Variants in UQCRH observed in about 807,000 individuals in gnomAD.
UQCRH encodes cytochrome b-c1 complex subunit 6, mitochondrial.
In UQCRH, 14 loss-of-function variants were observed where a neutral mutation model predicts 16.3. That is an observed-to-expected ratio of 0.86 (90% CI 0.57 to 1.34). UQCRH has a LOEUF of 1.34. Ranked by LOEUF, UQCRH falls within the 40% of genes most tolerant of loss-of-function variation. UQCRH has a pLI of 0.00. For missense variants in UQCRH, 89 were observed against 111.9 expected (o/e 0.80, Z 0.92); for synonymous variants, 41 against 41.9 (o/e 0.98, Z 0.08).
chr1:46,310,894 C>T (rs543247211), intron 3 of UQCRH, among the ~76,000 whole-genome samples: 12 of 151,694 alleles, frequency 7.9e-5, no homozygotes, highest in African/African-American at 2.9e-4. Context: ...GGTGAAACCC[C>T]GTCTCTACTA....
Position 46,303,737 on chromosome 1 carries a change from C to A in UQCRH, c.-30C>A. The A allele has an allele frequency of 6.2e-7, 1 of 1,614,080 alleles. No homozygotes were observed. Among genetic ancestry groups the A allele is most frequent in the Non-Finnish European group, 8.5e-7 (1 of 1,179,970 alleles). On this transcript the variant is annotated 5_prime_UTR_variant, in exon 1 of 4. Transcript: ENST00000311672. ...ACTGGGTTAGGTGCCGCTGTTGCTG[C>A]TCGTGTTGAATCTAGAACCGTAGCC...
chr1:46,306,930 G>A (rs1661387240), intron 1 of UQCRH, among the ~76,000 whole-genome samples: 1 of 152,166 alleles, frequency 6.6e-6, no homozygotes, highest in Non-Finnish European at 1.5e-5. Flanking sequence ...TTGTCACCCA[G>A]ACTGGGGTGC....
intron 3 of UQCRH, among the ~76,000 whole-genome samples, chr1:46,312,900 CTT>C (rs895944548): frequency 1.3e-5 from 2 of 151,996 alleles, no homozygotes; most frequent in African/African-American, 2.4e-5. Context: ...TGAGATAACA[CTT>C]TATACCAACT....
At chr1:46,307,010 T>C (rs1053047912) in intron 1 of UQCRH, among the ~76,000 whole-genome samples, 3 of 152,180 alleles carry the variant, frequency 2.0e-5, no homozygotes, top group Admixed American at 6.5e-5. Context: ...CTCGGCCTTC[T>C]GAGTAGCCAT....
At chr1:46,315,489 G>C (rs1661566944) in intron 3 of UQCRH, among the ~76,000 whole-genome samples, 1 of 151,182 alleles carries the variant, frequency 6.6e-6, no homozygotes, top group African/African-American at 2.4e-5. Flanking sequence ...AGCTACTCAG[G>C]AGTCTGAGGC....
At chr1:46,312,011 C>T (rs7542864) in intron 3 of UQCRH, among the ~76,000 whole-genome samples, 6,667 of 151,626 alleles carry the variant, frequency 0.044, 275 homozygotes, top group African/African-American at 0.096. Flanking sequence ...CACACTACAG[C>T]CTCTACCTCC....
intron 2 of UQCRH, 199 bp downstream of exon 2, chr1:46,309,326 T>A (rs756122929): frequency 1.8e-6 from 1 of 567,556 alleles, no homozygotes; most frequent in Admixed American, 3.7e-5. Context: ...TGGGGCTTCT[T>A]CAGTTGTGGT....
rs1393255487 is a variant in UQCRH at position 46,303,759 on chromosome 1, A to G, written c.-8A>G. Reference sequence around the variant, plus strand: ...CTGCTCGTGTTGAATCTAGAACCGTAGCCAGACATGGGACTGGAGGACGAG... The same window carrying G: ...CTGCTCGTGTTGAATCTAGAACCGTGGCCAGACATGGGACTGGAGGACGAG... On this transcript the variant is annotated 5_prime_UTR_variant, in exon 1 of 4. Coordinates refer to ENST00000311672, the MANE Select transcript of UQCRH (RefSeq NM_006004.4). 1.2e-6 allele frequency: 2 copies of G among 1,614,166 alleles called. No homozygotes were observed. Among genetic ancestry groups the G allele is most frequent in the Admixed American group, 3.3e-5 (2 of 60,020 alleles).
At position 46,310,062 on chromosome 1, in the gene UQCRH, C is replaced by T. The variant is rs536974252; in HGVS notation, c.82-93C>T. 10 of 1,577,180 alleles carry T rather than the reference C, an allele frequency of 6.3e-6. No individual in the cohort carries two copies. In the African/African-American group the frequency reaches 1.1e-4, roughly 17 times the overall value. On this transcript the variant is annotated intron_variant, in intron 2 of 3. Coordinates refer to ENST00000311672, the MANE Select transcript of UQCRH (RefSeq NM_006004.4). ...TCTGCACGGTAATTCAGAGGCAGCA[C>T]CTTGGTTTGGTGGTTGTGTTAATCA...
At chr1:46,306,047 C>T (rs1661367230) in intron 1 of UQCRH, among the ~76,000 whole-genome samples, 1 of 152,150 alleles carries the variant, frequency 6.6e-6, no homozygotes, top group Non-Finnish European at 1.5e-5. Context: ...CCTCCTCGGC[C>T]TCCCAAAGTG....
At chr1:46,316,512 A>C (rs770673367) in intron 3 of UQCRH, 40 bp from the exon 4 acceptor site, 2 of 1,613,478 alleles carry the variant, frequency 1.2e-6, no homozygotes, top group African/African-American at 2.7e-5. Flanking sequence ...ATGACATTAA[A>C]GCTGCCAATT....
At chr1:46,312,259 C>G (rs1303586660) in intron 3 of UQCRH, among the ~76,000 whole-genome samples, 1 of 151,754 alleles carries the variant, frequency 6.6e-6, no homozygotes, top group Non-Finnish European at 1.5e-5. Flanking sequence ...CCACACCCAG[C>G]TAATTTTTTG....
chr1:46,310,983 C>T (rs1282283340), intron 3 of UQCRH, among the ~76,000 whole-genome samples: 2 of 150,816 alleles, frequency 1.3e-5, no homozygotes, highest in Non-Finnish European at 2.9e-5. Context: ...AGGAGAATGG[C>T]GTGAACCCGG....
chr1:46,310,368 C>G, intron 3 of UQCRH, 52 bp downstream of exon 3: 1 of 1,608,834 alleles, frequency 6.2e-7, no homozygotes, highest in East Asian at 2.2e-5. Context: ...TCAGGGAAGA[C>G]TTGGTGCCAA....
chr1:46,310,502 G>A (rs1426339474), intron 3 of UQCRH, among the ~76,000 whole-genome samples, 186 bp downstream of exon 3: 1 of 152,160 alleles, frequency 6.6e-6, no homozygotes, highest in Non-Finnish European at 1.5e-5. Flanking sequence ...TCACTATGTT[G>A]TCCAGGCTGA....
chr1:46,308,950 G>A (rs769586420), intron 1 of UQCRH, 151 bp from the exon 2 acceptor site: 21 of 913,426 alleles, frequency 2.3e-5, no homozygotes, highest in Non-Finnish European at 3.5e-5. Context: ...GATTAGCAAG[G>A]CCTCTAAAAT....
chr1:46,316,318 A>G (rs1472975113), intron 3 of UQCRH, among the ~76,000 whole-genome samples: 2 of 152,140 alleles, frequency 1.3e-5, no homozygotes, highest in Admixed American at 1.3e-4. Flanking sequence ...TTGTGTGTGG[A>G]TAGGGGCTTG....
chr1:46,316,448 G>A, intron 3 of UQCRH, 104 bp from the exon 4 acceptor site: 1 of 1,465,378 alleles, frequency 6.8e-7, no homozygotes. Context: ...GTGAGAAGGG[G>A]AGTGGTGAGA....
intron 1 of UQCRH, among the ~76,000 whole-genome samples, chr1:46,306,388 T>G (rs950975074): frequency 4.0e-5 from 6 of 149,998 alleles, no homozygotes; most frequent in African/African-American, 1.5e-4. Flanking sequence ...CAGTTTTTTT[T>G]TTTTTTTTTT....
Sources: allele counts gnomAD v4.1 joint callset (sites outside exome capture counted in the v4.1 genomes callset), GRCh38; gene constraint gnomAD v4.1.1; transcripts MANE v1.5; gene names NCBI Gene and HGNC (gene_info 2026-07-23, HGNC 2026-07-21).